The following NAE1 variants were observed in gnomAD, a reference collection of about 807,000 sequenced individuals.
NAE1 encodes the protein NEDD8 activating enzyme E1 subunit 1.
A neutral mutation model predicts 88.0 loss-of-function variants in NAE1; 59 were observed. The ratio of observed to expected loss-of-function variants is 0.67; its 90% CI spans 0.54 to 0.83. The LOEUF is 0.83. NAE1 is among the 40% of genes least tolerant of loss of function. The pLI is 0.00. For missense variants in NAE1, 554 were observed against 632.8 expected (o/e 0.88, Z 1.34); for synonymous variants, 186 against 208.9 (o/e 0.89, Z 0.95).
chr16:66,817,114 A>G, intron 9 of NAE1, 86 bp from the exon 10 acceptor site: 15 of 1,446,466 alleles, frequency 1.0e-5, no homozygotes, highest in South Asian at 2.9e-5. Flanking sequence ...CATTCTCTAC[A>G]TAAGATTTCA....
intron 11 of NAE1, among the ~76,000 whole-genome samples, chr16:66,816,337 G>T (rs1960044126): frequency 6.6e-6 from 1 of 151,906 alleles, no homozygotes; most frequent in Non-Finnish European, 1.5e-5. Flanking sequence ...GCTAATTTTT[G>T]TATTTTTAGT....
At chr16:66,823,116 C>G in intron 6 of NAE1, 111 bp downstream of exon 6, 7 of 382,080 alleles carry the variant, frequency 1.8e-5, no homozygotes, top group Middle Eastern at 8.5e-4. Context: ...TTTAAAGTTT[C>G]TATAGAATTT....
rs562352341 is a variant in NAE1 at position 66,830,725 on chromosome 16, G to T, written c.53+122C>A. 2.9e-4 allele frequency: 267 copies of T among 934,602 alleles called. 1 individual carries two copies. Among genetic ancestry groups the T allele is most frequent in the African/African-American group, 2.3e-3 (133 of 56,674 alleles). The allele number at this position is 934,602 out of a possible 1,614,324, so 57.9% of individuals were successfully genotyped here. ...AGCGCCGGCTTCCCGCGCCCCGCAC[G>T]GCCCGGCCCAGCCTGGAAGAAGGCC... On this transcript the variant is annotated intron_variant, in intron 1 of 19. Coordinates refer to ENST00000290810, the MANE Select transcript of NAE1 (RefSeq NM_003905.4).
intron 15 of NAE1, among the ~76,000 whole-genome samples, chr16:66,809,445 T>C (rs1959697922): frequency 6.6e-6 from 1 of 152,212 alleles, no homozygotes; most frequent in Non-Finnish European, 1.5e-5. Flanking sequence ...ATAGTTTTCA[T>C]CATTATTATG....
chr16:66,808,719 T>C, intron 16 of NAE1, 106 bp from the exon 17 acceptor site: 1 of 831,740 alleles, frequency 1.2e-6, no homozygotes, highest in Non-Finnish European at 2.0e-6. Context: ...TTAACTGGAG[T>C]CACACAATCT....
chr16:66,825,493 C>T (rs189427610), intron 3 of NAE1, among the ~76,000 whole-genome samples: 1 of 152,096 alleles, frequency 6.6e-6, no homozygotes, highest in East Asian at 1.9e-4. Context: ...CTATATTTCC[C>T]TCTTGGAAAT....
rs753566167 is a variant in NAE1 at position 66,826,561 on chromosome 16, A to G, written c.180T>C (p.Ile60=). The G allele has an allele frequency of 1.2e-6, 2 of 1,614,182 alleles. No individual in the cohort carries two copies. The highest frequency in any genetic ancestry group is 1.6e-4 in the Middle Eastern group (1 of 6,062). ...VLPGIGSFTI[I]DGNQVSGEDA... ...CTTCTCCGCTGACCTGATTTCCATC[A>G]ATAATTGTAAACGAACCAATACCTG... Residue 60 remains isoleucine, a synonymous_variant, in exon 3 of 20, where the codon ATT becomes ATC. Coordinates refer to ENST00000290810, the MANE Select transcript of NAE1 (RefSeq NM_003905.4).
intron 4 of NAE1, 130 bp downstream of exon 4, chr16:66,824,725 G>T: frequency 1.3e-6 from 1 of 787,190 alleles, no homozygotes; most frequent in Non-Finnish European, 2.0e-6. Context: ...AGATTTACAA[G>T]ATTACAAAAA....
chr16:66,807,510 G>A (rs1339867732), intron 17 of NAE1, among the ~76,000 whole-genome samples: 1 of 151,996 alleles, frequency 6.6e-6, no homozygotes, highest in African/African-American at 2.4e-5. Flanking sequence ...CGAGGTGGCG[G>A]GCGCCTATAG....
intron 11 of NAE1, 124 bp from the exon 12 acceptor site, chr16:66,813,970 A>G: frequency 1.1e-6 from 1 of 923,636 alleles, no homozygotes; most frequent in Non-Finnish European, 1.6e-6. Flanking sequence ...CAAACTTCTG[A>G]TTGGTTTATA....
intron 4 of NAE1, 68 bp from the exon 5 acceptor site, chr16:66,823,668 T>C (rs1301321351): frequency 1.8e-5 from 23 of 1,248,434 alleles, no homozygotes; most frequent in Non-Finnish European, 2.6e-5. Context: ...CCCCAATTTA[T>C]GGAACAGGCA....
intron 1 of NAE1, among the ~76,000 whole-genome samples, chr16:66,829,458 C>T (rs1050812934): frequency 6.6e-5 from 10 of 152,178 alleles, no homozygotes; most frequent in Admixed American, 3.3e-4. Flanking sequence ...GAACTCTGGG[C>T]AAATTACCTA....
chr16:66,830,946 GC>G lies in NAE1; in HGVS notation c.-48del. 6.8e-7 allele frequency: 1 copy of G among 1,478,984 alleles called. No homozygotes were observed. Among genetic ancestry groups the G allele is most frequent in the Non-Finnish European group, 8.9e-7 (1 of 1,120,286 alleles). 91.6% of individuals were successfully genotyped at this position (1,478,984 alleles called of 1,614,324 possible). A position where few individuals can be genotyped will look rare whatever the true frequency, so the allele number is the denominator to read the frequency against. On this transcript the variant is annotated 5_prime_UTR_variant, in exon 1 of 20. Transcript: ENST00000290810. The stretch of plus-strand genomic sequence containing the variant: ...AACAGCCGAGCCCCTGCGGAGCGCC[GC>G]CACCAGCTCCACAAGCGCGCAGGCG...
At position 66,809,089 on chromosome 16, in the gene NAE1, A is replaced by G. The variant is rs757628890; in HGVS notation, c.1151-14T>C. On this transcript the variant is annotated splice_polypyrimidine_tract_variant and intron_variant, in intron 15 of 19. Coordinates refer to ENST00000290810, the MANE Select transcript of NAE1 (RefSeq NM_003905.4). ...CAGAATTGCTGCCTGAACAGAGGAA[A>G]GATATTCTGGAAGTAATGACTGTGA... 4.6e-5 allele frequency: 73 copies of G among 1,594,860 alleles called. No homozygotes were observed. Among genetic ancestry groups the G allele is most frequent in the Non-Finnish European group, 6.1e-5 (71 of 1,165,944 alleles).
intron 9 of NAE1, 62 bp from the exon 10 acceptor site, chr16:66,817,090 T>C: frequency 2.0e-6 from 3 of 1,530,032 alleles, no homozygotes; most frequent in South Asian, 2.6e-5. Flanking sequence ...AAATTGAAAG[T>C]CTAAAGTGTC....
intron 4 of NAE1, 37 bp downstream of exon 4, chr16:66,824,817 TA>T (rs1960399089): frequency 2.6e-6 from 4 of 1,564,786 alleles, no homozygotes; most frequent in Non-Finnish European, 3.5e-6. Flanking sequence ...GGGGCATCAT[TA>T]GATGCTCACA....
intron 17 of NAE1, among the ~76,000 whole-genome samples, chr16:66,807,230 G>A (rs1959600000): frequency 6.6e-6 from 1 of 152,200 alleles, no homozygotes; most frequent in Non-Finnish European, 1.5e-5. Context: ...ACTAAGTTTT[G>A]AAGTGGTTTG....
At position 66,826,671 on chromosome 16, in the gene NAE1, C is replaced by G; in HGVS notation, c.157+6G>C. 6.2e-7 allele frequency: 1 copy of G among 1,613,822 alleles called. No homozygotes were observed. The highest frequency in any genetic ancestry group is 8.5e-7 in the Non-Finnish European group (1 of 1,179,820). ...TATTTAGAACACAACCACAAACCTA[C>G]GTTACCTGGTAGTACCAAGTTTTTA... On this transcript the variant is annotated splice_donor_region_variant and intron_variant, in intron 2 of 19. Transcript: ENST00000290810.
At chr16:66,829,977 C>T (rs1200419575) in intron 1 of NAE1, among the ~76,000 whole-genome samples, 1 of 152,218 alleles carries the variant, frequency 6.6e-6, no homozygotes, top group African/African-American at 2.4e-5. Context: ...CCTACACCTC[C>T]TGGATTCAAC....
Sources: gnomAD v4.1 joint callset for allele counts (sites outside exome capture counted in the v4.1 genomes callset) on GRCh38, gnomAD v4.1.1 for gene constraint, MANE v1.5 for transcripts, NCBI Gene and HGNC (gene_info 2026-07-23, HGNC 2026-07-21) for gene names.